Variants in SHLD1 observed in about 807,000 individuals in gnomAD.
SHLD1 encodes RINN1-REV7-interacting novel NHEJ regulator 3.
A neutral mutation model predicts 5.5 loss-of-function variants in SHLD1; 3 were observed. The observed-to-expected ratio is 0.54, with a 90% confidence interval of 0.25 to 1.40. SHLD1 has a LOEUF of 1.40. Among genes scored for constraint, SHLD1 ranks in the 40% most tolerant of loss-of-function variants. The pLI is 0.15. For missense variants in SHLD1, 210 were observed against 244.4 expected (o/e 0.86, Z 0.94); for synonymous variants, 92 against 94.3 (o/e 0.98, Z 0.14).
rs140394722 is a variant in SHLD1, at chr20:5,824,154, C to T, written c.179-38870C>T. 5.5e-3 allele frequency among the ~76,000 whole-genome samples: 839 copies of T among 152,358 alleles called. 5 individuals are homozygous for T. Among genetic ancestry groups the T allele is most frequent in the Non-Finnish European group, 8.2e-3 (557 of 68,036 alleles). ...ACTGCTTCTCCCACCTCTTCCCAGC[C>T]GCACTGGCCTTCTTTCTGGTCTTCA... On this transcript the variant is annotated intron_variant, in intron 2 of 2. Transcript: ENST00000303142.
chr20:5,768,519 G>A (rs151133045), intron 1 of SHLD1, among the ~76,000 whole-genome samples: 412 of 152,328 alleles, frequency 2.7e-3, no homozygotes, highest in Admixed American at 4.2e-3. Context: ...ATTCACCTTT[G>A]TGTTCCCAGT....
At chr20:5,846,367 A>G (rs1285662828) in intron 2 of SHLD1, among the ~76,000 whole-genome samples, 1 of 152,190 alleles carries the variant, frequency 6.6e-6, no homozygotes, top group Non-Finnish European at 1.5e-5. Context: ...CTTACGCGTA[A>G]GGTTGACGTT....
rs34145480 is a variant in SHLD1, at chr20:5,771,863, CTTTTTTTTT to C, written c.-4-979_-4-971del. 16 of 79,424 alleles carry C rather than the reference CTTTTTTTTT, an allele frequency of 2.0e-4. No homozygotes were observed. The East Asian group carries it at 3.4e-3, about 17-fold the overall frequency. 4.9% of individuals were successfully genotyped at this position (79,424 alleles called of 1,614,324 possible). The stretch of plus-strand genomic sequence containing the variant: ...TGCTTATTGAGTTGAGAACTTTTAC[CTTTTTTTTT>C]TTTTTTTTTTTTTTTTTTTGAGATG... On this transcript the variant is annotated intron_variant, in intron 1 of 2. Transcript: ENST00000303142.
At chr20:5,802,949 C>G (rs2087316941) in intron 2 of SHLD1, among the ~76,000 whole-genome samples, 1 of 152,216 alleles carries the variant, frequency 6.6e-6, no homozygotes, top group Non-Finnish European at 1.5e-5. Context: ...AGGACCAAGA[C>G]AAAGTGTTAA....
At chr20:5,791,306 T>C (rs1345152903) in intron 2 of SHLD1, among the ~76,000 whole-genome samples, 2 of 152,020 alleles carry the variant, frequency 1.3e-5, no homozygotes, top group African/African-American at 4.8e-5. Flanking sequence ...GGCTTCCACC[T>C]GTAATCCTAG....
intron 2 of SHLD1, among the ~76,000 whole-genome samples, chr20:5,795,283 G>A (rs953563063): frequency 1.3e-5 from 2 of 150,966 alleles, no homozygotes; most frequent in African/African-American, 2.4e-5. Flanking sequence ...ACACACACAC[G>A]CAAAACCAAA....
intron 2 of SHLD1, among the ~76,000 whole-genome samples, chr20:5,778,835 T>C (rs1302242691): frequency 6.6e-6 from 1 of 152,176 alleles, no homozygotes; most frequent in African/African-American, 2.4e-5. Flanking sequence ...TAGGAGACTT[T>C]TACACAGCAT....
In SHLD1 at chr20:5,826,250, T is replaced by C. The variant is rs375517860; in HGVS notation, c.179-36774T>C. Among the ~76,000 whole-genome samples, 75 of 152,364 alleles carry C rather than the reference T, an allele frequency of 4.9e-4. 1 individual carries two copies. The highest frequency in any genetic ancestry group is 1.8e-3 in the African/African-American group (73 of 41,588). On this transcript the variant is annotated intron_variant, in intron 2 of 2. Transcript: ENST00000303142. ...TTGAAGCTCCTGTAGGAAAAAATTA[T>C]CTAGTTTTATCAACTCTGTAACCAC...
chr20:5,848,012 T>A (rs1197117956), intron 2 of SHLD1, among the ~76,000 whole-genome samples: 1 of 152,138 alleles, frequency 6.6e-6, no homozygotes, highest in Non-Finnish European at 1.5e-5. Context: ...AAAGAATGGA[T>A]GAAAAATAAT....
chr20:5,774,165 C>T (rs1438349425), intron 2 of SHLD1, among the ~76,000 whole-genome samples: 2 of 152,144 alleles, frequency 1.3e-5, no homozygotes, highest in African/African-American at 4.8e-5. Context: ...GATCGTGCCA[C>T]TTCACTCCAG....
At chr20:5,759,997 C>CAG (rs1984367879) in intron 1 of SHLD1, among the ~76,000 whole-genome samples, 1 of 151,856 alleles carries the variant, frequency 6.6e-6, no homozygotes, top group Admixed American at 6.6e-5. Context: ...TATACACACA[C>CAG]ACACACACAC....
chr20:5,823,819 A>G (rs2087635491), intron 2 of SHLD1, among the ~76,000 whole-genome samples: 1 of 152,158 alleles, frequency 6.6e-6, no homozygotes, highest in Non-Finnish European at 1.5e-5. Flanking sequence ...CCTGGGTTGC[A>G]TGGGCAAGCT....
At chr20:5,845,221 T>G (rs1366949336) in intron 2 of SHLD1, among the ~76,000 whole-genome samples, 3 of 152,264 alleles carry the variant, frequency 2.0e-5, no homozygotes, top group African/African-American at 7.2e-5. Context: ...GTACTAATTA[T>G]AAAGTATCTT....
chr20:5,779,467 C>T (rs945555998), intron 2 of SHLD1, among the ~76,000 whole-genome samples: 20 of 152,154 alleles, frequency 1.3e-4, no homozygotes, highest in Non-Finnish European at 2.9e-4. Context: ...CCCCATGGCC[C>T]TTCAGGAGGC....
At chr20:5,860,655 G>A (rs73596883) in intron 2 of SHLD1, among the ~76,000 whole-genome samples, 3,028 of 152,002 alleles carry the variant, frequency 0.02, 114 homozygotes, top group African/African-American at 0.069. Flanking sequence ...CAGTAGCTCA[G>A]TCCTTCCTTG....
At chr20:5,809,459 A>T (rs2087427502) in intron 2 of SHLD1, among the ~76,000 whole-genome samples, 1 of 152,040 alleles carries the variant, frequency 6.6e-6, no homozygotes, top group Non-Finnish European at 1.5e-5. Context: ...GCCTCCCCTG[A>T]AGTGGGTCCC....
chr20:5,759,834 C>T (rs1295377563), intron 1 of SHLD1, among the ~76,000 whole-genome samples: 1 of 152,054 alleles, frequency 6.6e-6, no homozygotes, highest in African/African-American at 2.4e-5. Context: ...AGCCACTGTG[C>T]CCAGCCAACT....
chr20:5,794,816 T>C (rs1473503917), intron 2 of SHLD1, among the ~76,000 whole-genome samples: 1 of 152,188 alleles, frequency 6.6e-6, no homozygotes, highest in Non-Finnish European at 1.5e-5. Flanking sequence ...ATTTTTAAAA[T>C]TGTTTTCTCT....
chr20:5,753,196 T>TA (rs957949729), intron 1 of SHLD1, among the ~76,000 whole-genome samples: 2 of 152,172 alleles, frequency 1.3e-5, no homozygotes, highest in African/African-American at 4.8e-5. Context: ...ACCAGGTTAA[T>TA]AAAAAAAGAA....
Sources: allele counts gnomAD v4.1 joint callset (sites outside exome capture counted in the v4.1 genomes callset), GRCh38; gene constraint gnomAD v4.1.1; transcripts MANE v1.5; gene names NCBI Gene and HGNC (gene_info 2026-07-23, HGNC 2026-07-21).